The following INPP4B variants were observed in gnomAD, a reference collection of about 807,000 sequenced individuals.
INPP4B encodes the protein inositol polyphosphate-4-phosphatase type II B.
A neutral mutation model predicts 122.5 loss-of-function variants in INPP4B; 55 were observed. The observed-to-expected ratio is 0.45, with a 90% CI of 0.36 to 0.56. The LOEUF is 0.56. Ranked by LOEUF, INPP4B falls within the 20% of genes least tolerant of loss-of-function variation. The pLI, the probability that INPP4B is intolerant of heterozygous loss-of-function variation, is 0.00. For missense variants in INPP4B, 1,000 were observed against 1,097.7 expected, an observed-to-expected ratio of 0.91 and a Z score of 1.26; for synonymous variants, 403 against 388.7, an observed-to-expected ratio of 1.04 and a Z score of -0.43.
intron 2 of INPP4B, among the ~76,000 whole-genome samples, chr4:142,565,173 C>T (rs1441145628): frequency 6.6e-6 from 1 of 152,078 alleles, no homozygotes; most frequent in Non-Finnish European, 1.5e-5. Context: ...ACTTTGGTTT[C>T]TAAATACCAC....
At chr4:142,117,472 G>A (rs6827500) in intron 21 of INPP4B, among the ~76,000 whole-genome samples, 20,147 of 152,056 alleles carry the variant, frequency 0.13, 1,502 homozygotes, top group East Asian at 0.24. Flanking sequence ...CCATGATCAG[G>A]TGGGCTTCAT....
At chr4:142,695,930 G>T (rs1760957541) in intron 2 of INPP4B, among the ~76,000 whole-genome samples, 1 of 152,096 alleles carries the variant, frequency 6.6e-6, no homozygotes, top group African/African-American at 2.4e-5. Flanking sequence ...TCTTGATGTG[G>T]GATCTCAAGG....
At chr4:142,178,355 C>T (rs912615164) in intron 15 of INPP4B, among the ~76,000 whole-genome samples, 1 of 152,188 alleles carries the variant, frequency 6.6e-6, no homozygotes, top group Non-Finnish European at 1.5e-5. Context: ...GTTTCCGTAT[C>T]TCTATACTTA....
At chr4:142,268,452 G>A (rs1579530364) in intron 10 of INPP4B, among the ~76,000 whole-genome samples, 1 of 151,276 alleles carries the variant, frequency 6.6e-6, no homozygotes, top group Admixed American at 6.6e-5. Flanking sequence ...ACAATACGGA[G>A]GCTCCTCAGA....
intron 2 of INPP4B, among the ~76,000 whole-genome samples, chr4:142,656,649 T>C (rs1754201665): frequency 6.6e-6 from 1 of 152,122 alleles, no homozygotes; most frequent in Non-Finnish European, 1.5e-5. Context: ...GGGGTGTAAC[T>C]CTATTGGACA....
intron 2 of INPP4B, among the ~76,000 whole-genome samples, chr4:142,661,779 A>G (rs1176921079): frequency 1.3e-5 from 2 of 152,254 alleles, no homozygotes; most frequent in Non-Finnish European, 2.9e-5. Context: ...ACTTTAAGTT[A>G]CAGATACTGC....
At chr4:142,711,401 A>G (rs1405472913) in intron 2 of INPP4B, among the ~76,000 whole-genome samples, 1 of 152,186 alleles carries the variant, frequency 6.6e-6, no homozygotes, top group Non-Finnish European at 1.5e-5. Context: ...TGAGCACCAC[A>G]GTAATTTCTG....
chr4:142,355,202 T>C (rs1783180555), intron 7 of INPP4B, among the ~76,000 whole-genome samples: 1 of 152,032 alleles, frequency 6.6e-6, no homozygotes, highest in East Asian at 1.9e-4. Context: ...TCTGTTGCAT[T>C]CTATCAAAGC....
At chr4:142,420,583 A>T (rs1806665619) in intron 5 of INPP4B, among the ~76,000 whole-genome samples, 1 of 152,114 alleles carries the variant, frequency 6.6e-6, no homozygotes, top group Non-Finnish European at 1.5e-5. Flanking sequence ...CAAAAACCTC[A>T]TGTAGGCCTT....
intron 1 of INPP4B, among the ~76,000 whole-genome samples, chr4:142,768,399 A>T (rs80300720): frequency 0.056 from 8,570 of 152,252 alleles, 355 homozygotes; most frequent in African/African-American, 0.11. Context: ...TGCTACACAA[A>T]GTAGATAGCA....
chr4:142,747,980 C>A (rs936989544), intron 1 of INPP4B, among the ~76,000 whole-genome samples: 1 of 151,952 alleles, frequency 6.6e-6, no homozygotes. Context: ...ACGTAACAAA[C>A]CTGCACATTC....
rs201346036 is a variant in INPP4B, at chr4:142,500,251, T to C, written c.-190-37525A>G. ...AAATCCTATATATTCCTAAGAAGGC[T>C]GACTGCTGGGTCTCCTGAACATCTG... On this transcript the variant is annotated intron_variant, in intron 2 of 25. Coordinates refer to ENST00000262992, the MANE Select transcript of INPP4B (RefSeq NM_001101669.3). Among the ~76,000 whole-genome samples the C allele has an allele frequency of 1.1e-4, 17 of 152,308 alleles. No homozygotes were observed. In the East Asian group the frequency reaches 2.7e-3, roughly 24 times the overall value.
chr4:142,699,161 A>G (rs1024054407), intron 2 of INPP4B, among the ~76,000 whole-genome samples: 3 of 152,160 alleles, frequency 2.0e-5, no homozygotes, highest in Non-Finnish European at 4.4e-5. Flanking sequence ...TATCACAGTG[A>G]GTGATTAAAT....
chr4:142,488,599 C>T (rs1821473622), intron 2 of INPP4B, among the ~76,000 whole-genome samples: 1 of 151,912 alleles, frequency 6.6e-6, no homozygotes, highest in Non-Finnish European at 1.5e-5. Context: ...TTACTTATGT[C>T]AATTTTGTTA....
chr4:142,136,402 C>T (rs1297158372), intron 18 of INPP4B, among the ~76,000 whole-genome samples: 2 of 152,242 alleles, frequency 1.3e-5, no homozygotes, highest in African/African-American at 4.8e-5. Context: ...TTCAGGATGG[C>T]AACTCAGAGC....
chr4:142,678,491 T>C (rs931775732), intron 2 of INPP4B, among the ~76,000 whole-genome samples: 1 of 151,846 alleles, frequency 6.6e-6, no homozygotes, highest in African/African-American at 2.4e-5. Context: ...TTGGCCTCAT[T>C]TACTTATTTT....
chr4:142,563,932 T>C (rs1303570555), intron 2 of INPP4B, among the ~76,000 whole-genome samples: 3 of 152,094 alleles, frequency 2.0e-5, no homozygotes, highest in Non-Finnish European at 4.4e-5. Flanking sequence ...CACCTACACA[T>C]GGGTTAGTCC....
intron 2 of INPP4B, among the ~76,000 whole-genome samples, chr4:142,541,460 T>G (rs1187976422): frequency 6.6e-6 from 1 of 152,164 alleles, no homozygotes; most frequent in Non-Finnish European, 1.5e-5. Flanking sequence ...TTGGCCCCAA[T>G]GCACAAACCC....
chr4:142,740,879 C>T (rs1767800286), intron 1 of INPP4B, among the ~76,000 whole-genome samples: 1 of 151,932 alleles, frequency 6.6e-6, no homozygotes, highest in African/African-American at 2.4e-5. Flanking sequence ...CTTAAAAGAG[C>T]AAATTAAATC....
Sources: allele counts gnomAD v4.1 joint callset (sites outside exome capture counted in the v4.1 genomes callset), GRCh38; gene constraint gnomAD v4.1.1; transcripts MANE v1.5; gene names NCBI Gene and HGNC (gene_info 2026-07-23, HGNC 2026-07-21).